The following FAM53A variants were observed in gnomAD, a reference collection of about 807,000 sequenced individuals.
FAM53A encodes the protein protein FAM53A.
Under a neutral mutation model 26.6 loss-of-function variants are expected in FAM53A, and 28 were observed. The ratio of observed to expected loss-of-function variants is 1.05; its 90% CI spans 0.78 to 1.45. The LOEUF (loss-of-function observed/expected upper bound fraction) is 1.45. FAM53A is among the 40% of genes most tolerant of loss of function. The pLI, the probability that FAM53A is intolerant of heterozygous loss-of-function variation, is 0.00. For missense variants in FAM53A, 650 were observed against 575.8 expected (o/e 1.13, Z -1.32); for synonymous variants, 290 against 253.1 (o/e 1.15, Z -1.38).
the FAM53A span, among the ~76,000 whole-genome samples, chr4:1,595,559 G>A: frequency 6.6e-6 from 1 of 152,162 alleles, no homozygotes; most frequent in Non-Finnish European, 1.5e-5. Flanking sequence ...AGTCACCACT[G>A]GTATAAATCG....
chr4:1,576,876 C>T, the FAM53A span, among the ~76,000 whole-genome samples: 4 of 152,134 alleles, frequency 2.6e-5, no homozygotes, highest in Non-Finnish European at 4.4e-5. Context: ...TAAAATGGGG[C>T]GCAGGGCGGC....
rs760340494 is a variant in FAM53A, at chr4:1,657,389, C to T, written c.136+19G>A. 2 of 1,611,330 alleles carry T rather than the reference C, an allele frequency of 1.2e-6. No individual in the cohort carries two copies. Among genetic ancestry groups the T allele is most frequent in the Admixed American group, 3.4e-5 (2 of 59,678 alleles). The stretch of plus-strand genomic sequence containing the variant: ...CCAGCCCTGCTCAGGCCTCCGGCCA[C>T]AGCTCCTAAAGTGCTCACCGTTGAG... On this transcript the variant is annotated intron_variant, in intron 3 of 4. Coordinates refer to ENST00000308132, the MANE Select transcript of FAM53A (RefSeq NM_001174070.3).
In FAM53A at chr4:1,655,447, C is replaced by A. The variant is rs775163221; in HGVS notation, c.413G>T (p.Arg138Leu). 6.5e-7 allele frequency: 1 copy of A among 1,533,982 alleles called. No homozygotes were observed. The highest frequency in any genetic ancestry group is 2.4e-5 in the East Asian group (1 of 42,534). Residue 138 changes from arginine to leucine, a missense_variant, in exon 4 of 5, where the codon CGC (arginine) becomes CTC (leucine). Transcript: ENST00000308132. ...AGTCCAGACCTTGGAGCTGCCGGGG[C>A]GCCAGGGGGACCGGCAGCGCACAAG... ...EELVRCRSPW[R>L]PGSSKVWTPV...
upstream of FAM53A, among the ~76,000 whole-genome samples, chr4:1,685,377 A>G (rs1715753970): frequency 6.6e-6 from 1 of 151,400 alleles, no homozygotes; most frequent in East Asian, 2.0e-4. Context: ...GACGGGAGAA[A>G]GAGCTACCTG....
intron 1 of FAM53A, among the ~76,000 whole-genome samples, chr4:1,675,401 G>A (rs950097204): frequency 6.6e-6 from 1 of 152,140 alleles, no homozygotes; most frequent in Non-Finnish European, 1.5e-5. Context: ...CCAAGCCCAC[G>A]AGCACTGCCC....
chr4:1,594,327 G>A, the FAM53A span, among the ~76,000 whole-genome samples: 1 of 152,202 alleles, frequency 6.6e-6, no homozygotes, highest in Non-Finnish European at 1.5e-5. Flanking sequence ...ACCTGCCCCA[G>A]CCTGTGTCCC....
At position 1,655,276 on chromosome 4, in the gene FAM53A, A is replaced by C; in HGVS notation, c.584T>G (p.Val195Gly). The C allele has an allele frequency of 7.0e-7, 1 of 1,427,522 alleles. No individual in the cohort carries two copies. The highest frequency in any genetic ancestry group is 1.5e-5 in the South Asian group (1 of 66,850). 88.4% of individuals were successfully genotyped at this position (1,427,522 alleles called of 1,614,324 possible). ...GCCCGCACTGCCCTCGCTGCTGTCC[A>C]CGAAGCCGCCGCTGGCGGAGGACGG... ...PRPSSASGGF[V>G]DSSEGSAGSG... is the part of the protein sequence containing the mutation. The change falls in exon 4 of 5, where the codon GTG becomes GGG. Residue 195 changes from valine (V) to glycine (G), a missense_variant. Coordinates refer to ENST00000308132, the MANE Select transcript of FAM53A (RefSeq NM_001174070.3).
chr4:1,666,545 C>T (rs1714249200), intron 2 of FAM53A, among the ~76,000 whole-genome samples: 1 of 152,276 alleles, frequency 6.6e-6, no homozygotes. Context: ...GCCCGGCAGG[C>T]ATGCTGCGTA....
chr4:1,673,142 C>T (rs1245246119), intron 1 of FAM53A, among the ~76,000 whole-genome samples: 1 of 152,200 alleles, frequency 6.6e-6, no homozygotes, highest in Non-Finnish European at 1.5e-5. Flanking sequence ...ACAAAATGAC[C>T]AGCCAGAGAT....
intron 2 of FAM53A, among the ~76,000 whole-genome samples, chr4:1,668,458 A>AT (rs918820633): frequency 2.0e-5 from 3 of 150,838 alleles, no homozygotes; most frequent in Middle Eastern, 3.4e-3. Context: ...TAATAAGTCT[A>AT]TTTTTTTTTC....
chr4:1,582,594 G>T, the FAM53A span, among the ~76,000 whole-genome samples: 4 of 152,158 alleles, frequency 2.6e-5, no homozygotes, highest in Admixed American at 1.3e-4. Flanking sequence ...GTCCTCTCCC[G>T]CCTGCGATCT....
chr4:1,636,467 G>A (rs946503192), downstream of FAM53A, among the ~76,000 whole-genome samples: 4 of 152,232 alleles, frequency 2.6e-5, no homozygotes, highest in Non-Finnish European at 4.4e-5. Flanking sequence ...CTAACTTTGT[G>A]GTGTTGCCCC....
upstream of FAM53A, chr4:1,684,355 C>G (rs1715665332): frequency 6.8e-6 from 1 of 148,066 alleles, no homozygotes; most frequent in South Asian, 1.8e-4. Flanking sequence ...CCCCCTCCGG[C>G]CGCCCTCATT....
At chr4:1,619,288 C>A (rs1378783257) in intron 1 of FAM53A, among the ~76,000 whole-genome samples, 1 of 152,226 alleles carries the variant, frequency 6.6e-6, no homozygotes, top group Non-Finnish European at 1.5e-5. Context: ...TGGGCAAACA[C>A]GGAGCTGGAG....
rs957862543 is a variant in FAM53A, at chr4:1,630,914, G to A, written c.432-12803C>T. 5.9e-5 allele frequency among the ~76,000 whole-genome samples: 9 copies of A among 152,196 alleles called. No individual in the cohort carries two copies. The highest frequency in any genetic ancestry group is 2.1e-4 in the South Asian group (1 of 4,834). ...ATGTTGAGGCTGGGCACCATGGCAC[G>A]CGCCTGCAGTCCCAGCACTTTGGGA... On this transcript the variant is annotated intron_variant, in intron 1 of 1. Transcript: ENST00000489029. The surrounding 1 kb of genome is among the most constrained non-coding windows in gnomAD (Gnocchi z 4.3).
rs1171599706 is a variant in FAM53A at position 1,630,342 on chromosome 4, C to A, written c.432-12231G>T. 6.6e-6 allele frequency among the ~76,000 whole-genome samples: 1 copy of A among 152,238 alleles called. No homozygotes were observed. Among genetic ancestry groups the A allele is most frequent in the Non-Finnish European group, 1.5e-5 (1 of 68,048 alleles). On this transcript the variant is annotated intron_variant, in intron 1 of 1. Transcript: ENST00000489029. The surrounding 1 kb of genome is among the most constrained non-coding windows in gnomAD (Gnocchi z 4.3). ...CCATGGTGTCTGCTGAGACCACTCA[C>A]CTCTGCCACTGCAGCCGAAACAGCC... is the stretch of plus-strand genomic sequence containing the variant.
intron 1 of FAM53A, among the ~76,000 whole-genome samples, chr4:1,681,033 G>A (rs953198605): frequency 3.9e-5 from 6 of 152,128 alleles, no homozygotes; most frequent in Non-Finnish European, 7.4e-5. Context: ...GTACTACTCC[G>A]GTGGGGGATG....
chr4:1,588,462 G>T, the FAM53A span, among the ~76,000 whole-genome samples: 2 of 152,320 alleles, frequency 1.3e-5, no homozygotes, highest in African/African-American at 4.8e-5. Context: ...CAAAGGCCCT[G>T]TGGTGCCCTC....
chr4:1,587,410 G>A, the FAM53A span, among the ~76,000 whole-genome samples: 2 of 152,122 alleles, frequency 1.3e-5, no homozygotes, highest in African/African-American at 2.4e-5. Context: ...AGTGGTTTAC[G>A]TCTGTAATCC....
Sources: allele counts gnomAD v4.1 joint callset (sites outside exome capture counted in the v4.1 genomes callset), GRCh38; gene constraint gnomAD v4.1.1; non-coding constraint Gnocchi (gnomAD v3.1); transcripts MANE v1.5; gene names NCBI Gene and HGNC (gene_info 2026-07-23, HGNC 2026-07-21).